PPL: variants seen among roughly 807,000 people sequenced by gnomAD.
PPL encodes the protein periplakin.
PPL carries 198 observed loss-of-function variants against 194.4 expected under a neutral mutation model. The ratio of observed to expected loss-of-function variants is 1.02; its 90% CI spans 0.91 to 1.15. The LOEUF is 1.15. Ranked by LOEUF, PPL falls within the 50% of genes most tolerant of loss-of-function variation. The probability of loss-of-function intolerance (pLI) is 0.00; values close to 1 mark genes in which losing one functional copy is unlikely to be tolerated. For synonymous variants in PPL, 1,220 were observed against 972.4 expected, an observed-to-expected ratio of 1.25 and a Z score of -4.74; for missense variants, 2,885 against 2,294.8, an observed-to-expected ratio of 1.26 and a Z score of -5.25.
chr16:4,918,951 G>A (rs1429621272), intron 1 of PPL, among the ~76,000 whole-genome samples: 2 of 152,140 alleles, frequency 1.3e-5, no homozygotes, highest in Non-Finnish European at 1.5e-5. Context: ...GCAGCCAGAC[G>A]TGGCACCCCT....
intron 21 of PPL, among the ~76,000 whole-genome samples, chr16:4,886,857 G>T (rs1426280570): frequency 6.6e-6 from 1 of 152,212 alleles, no homozygotes; most frequent in African/African-American, 2.4e-5. Flanking sequence ...GACCTCAGGT[G>T]ATCCGCCTGC....
intron 13 of PPL, 72 bp from the exon 14 acceptor site, chr16:4,893,442 G>A: frequency 6.3e-7 from 1 of 1,588,572 alleles, no homozygotes; most frequent in Non-Finnish European, 8.6e-7. Context: ...ATGGACCTAG[G>A]CAGCCAGCCC....
intron 9 of PPL, 22 bp downstream of exon 9, chr16:4,897,653 G>T (rs775727954): frequency 3.1e-6 from 5 of 1,593,036 alleles, no homozygotes; most frequent in South Asian, 1.1e-5. Flanking sequence ...GTGCTGGGGG[G>T]ACTCCCAGGA....
chr16:4,918,242 G>A lies in PPL; in HGVS notation c.63-7293C>T, dbSNP rs963947222. 5.3e-5 allele frequency among the ~76,000 whole-genome samples: 8 copies of A among 149,976 alleles called. No homozygotes were observed. In the South Asian group the frequency reaches 8.4e-4, roughly 16 times the overall value. ...CGGGAGGTGGAGGTTGCAGTGAGCC[G>A]AGATTGCACCACTACACTCCAGCCT... On this transcript the variant is annotated intron_variant, in intron 1 of 21. Transcript: ENST00000345988.
intron 1 of PPL, among the ~76,000 whole-genome samples, chr16:4,911,478 A>G (rs1220394730): frequency 6.6e-6 from 1 of 151,596 alleles, no homozygotes; most frequent in East Asian, 1.9e-4. Flanking sequence ...CACTTTGATC[A>G]TTCTCTCTAA....
At chr16:4,886,808 G>A (rs1205187539) in intron 21 of PPL, among the ~76,000 whole-genome samples, 2 of 152,126 alleles carry the variant, frequency 1.3e-5, no homozygotes, top group Non-Finnish European at 2.9e-5. Context: ...TAGTAGAGAC[G>A]GAGTTTTACC....
chr16:4,906,152 C>T (rs2088677503), intron 2 of PPL, among the ~76,000 whole-genome samples: 1 of 152,186 alleles, frequency 6.6e-6, no homozygotes. Context: ...CATCCCCCAA[C>T]CCTGGGGTAG....
Position 4,884,874 on chromosome 16 carries a change from G to C in PPL, c.3781C>G (p.Leu1261Val). The C allele has an allele frequency of 6.2e-7, 1 of 1,614,050 alleles. No individual in the cohort carries two copies. Among genetic ancestry groups the C allele is most frequent in the Non-Finnish European group, 8.5e-7 (1 of 1,180,016 alleles). Residue 1261 changes from leucine (L) to valine (V), a missense_variant, in exon 22 of 22, where the codon CTG becomes GTG. Leu to Val is a conservative substitution (Grantham distance 32). Coordinates refer to ENST00000345988, the MANE Select transcript of PPL (RefSeq NM_002705.5). The surrounding 1 kb of genome is among the most constrained non-coding windows in gnomAD (Gnocchi z 5.7). ...ATCTCTAAATCACACCTTTCGATCA[G>C]TCTGGTCTTGTCCACGATCTCCTCC... ...LREEIVDKTR[L>V]IERCDLEIYQ...
Position 4,883,697 on chromosome 16 carries a change from T to C in PPL, c.4958A>G (p.His1653Arg), listed in dbSNP as rs764061397. ...GATGACTACGATGGAGCGCCGCAGGTGGTTCTCCCGCTGCTCCCGCTTGAC... is the reference window on the plus strand; with the variant it reads ...GATGACTACGATGGAGCGCCGCAGGCGGTTCTCCCGCTGCTCCCGCTTGAC... ...VAVKREQRENHLRRSIVVIHP... is the reference protein window; with the variant it reads ...VAVKREQRENRLRRSIVVIHP... The change falls in exon 22 of 22, where the codon CAC becomes CGC. Residue 1653 changes from histidine (H) to arginine (R), a missense_variant. By Grantham distance (29) the His-to-Arg change is conservative. Transcript: ENST00000345988. The surrounding 1 kb of genome is among the most constrained non-coding windows in gnomAD (Gnocchi z 4.8). The C allele has an allele frequency of 3.1e-6, 5 of 1,614,012 alleles. No homozygotes were observed. In the South Asian group the frequency reaches 5.5e-5, roughly 18 times the overall value.
chr16:4,883,971 T>C lies in PPL; in HGVS notation c.4684A>G (p.Arg1562Gly). The part of the protein sequence containing the change: ...SKSSKELDFL[R>G]EENHKLQLER... ...AGCTGTAATTTGTGGTTCTCTTCCC[T>C]CAGAAAGTCTAGTTCCTTGGATGAC... Residue 1562 changes from arginine to glycine, a missense_variant, in exon 22 of 22, where the codon AGG becomes GGG. By Grantham distance (125) the Arg-to-Gly change is moderately radical (BLOSUM62 -2). Transcript: ENST00000345988. This position sits in a 1 kb window ranked among gnomAD's most constrained non-coding sequence, Gnocchi z 4.8. 1 of 1,614,076 alleles carries C rather than the reference T, an allele frequency of 6.2e-7. No homozygotes were observed. Among genetic ancestry groups the C allele is most frequent in the Non-Finnish European group, 8.5e-7 (1 of 1,180,012 alleles).
In PPL at chr16:4,903,959, G is replaced by A; in HGVS notation, c.244C>T (p.Leu82Phe). Residue 82 changes from leucine to phenylalanine, a missense_variant, in exon 3 of 22, where the codon CTC (leucine) becomes TTC (phenylalanine). By Grantham distance (22) the Leu-to-Phe change is conservative. Coordinates refer to ENST00000345988, the MANE Select transcript of PPL (RefSeq NM_002705.5). ...LQKVLDSEKL[L>F]YVLEADAAIA... ...GCCGCATCCGCCTCTAGCACATAGA[G>A]CAGCTTCTCAGAGTCCAACACCTTC... is the stretch of plus-strand genomic sequence containing the variant. 1.2e-6 allele frequency: 2 copies of A among 1,614,078 alleles called. No homozygotes were observed. The highest frequency in any genetic ancestry group is 1.7e-6 in the Non-Finnish European group (2 of 1,180,052).
intron 16 of PPL, 34 bp from the exon 17 acceptor site, chr16:4,890,955 G>T (rs377046363): frequency 1.4e-6 from 2 of 1,478,344 alleles, no homozygotes; most frequent in East Asian, 5.0e-5. Context: ...GCGGTGCTAC[G>T]GCCAGAGCTC....
chr16:4,912,975 G>A (rs1335015447), intron 1 of PPL, among the ~76,000 whole-genome samples: 1 of 151,998 alleles, frequency 6.6e-6, no homozygotes, highest in African/African-American at 2.4e-5. Context: ...GTGGTGGCAT[G>A]CGCCTGTAGT....
chr16:4,897,180 C>A (rs1485056644), intron 9 of PPL, among the ~76,000 whole-genome samples: 1 of 151,016 alleles, frequency 6.6e-6, no homozygotes, highest in Non-Finnish European at 1.5e-5. Context: ...ACTGAAAATA[C>A]AAAAATTAGC....
intron 1 of PPL, among the ~76,000 whole-genome samples, chr16:4,931,929 C>T (rs557723496): frequency 5.3e-5 from 8 of 152,216 alleles, no homozygotes; most frequent in Non-Finnish European, 1.2e-4. Flanking sequence ...TCCAAGAGAA[C>T]TGGGCAAGGG....
In PPL at chr16:4,902,997, T is replaced by G. The variant is rs888354249; in HGVS notation, c.318-471A>C. On this transcript the variant is annotated intron_variant, in intron 3 of 21. Coordinates refer to ENST00000345988, the MANE Select transcript of PPL (RefSeq NM_002705.5). This position sits in a 1 kb window ranked among gnomAD's most constrained non-coding sequence, Gnocchi z 4.0. Reference sequence around the variant, plus strand: ...AGCCACCGTGCCTGGCCCCACCCACTTTCCCTCAACCTTCCTTCCCCCATC... The same window carrying G: ...AGCCACCGTGCCTGGCCCCACCCACGTTCCCTCAACCTTCCTTCCCCCATC... Among the ~76,000 whole-genome samples, 3 of 152,134 alleles carry G rather than the reference T, an allele frequency of 2.0e-5. No homozygotes were observed. Among genetic ancestry groups the G allele is most frequent in the Non-Finnish European group, 4.4e-5 (3 of 68,026 alleles).
intron 8 of PPL, among the ~76,000 whole-genome samples, chr16:4,898,063 G>C (rs1205081058): frequency 2.0e-5 from 3 of 152,222 alleles, no homozygotes; most frequent in Non-Finnish European, 4.4e-5. Context: ...CACTGTCATG[G>C]ACCGAACAGT....
Position 4,899,015 on chromosome 16 carries a change from C to T in PPL, c.874G>A (p.Glu292Lys), listed in dbSNP as rs1363441503. The T allele has an allele frequency of 6.2e-7, 1 of 1,613,394 alleles. No individual in the cohort carries two copies. Among genetic ancestry groups the T allele is most frequent in the South Asian group, 1.1e-5 (1 of 91,082 alleles). ...GTCTGGTCTCGGGGTGCATGAACCT[C>T]AATGGAGTTCCTCCCGGGGTGCTCG... ...AAEHPGRNSIEAHMEAVHADW... is the reference protein window; with the variant it reads ...AAEHPGRNSIKAHMEAVHADW... Residue 292 changes from glutamate (E) to lysine (K), a missense_variant and splice_region_variant, in exon 8 of 22, where the codon GAG becomes AAG. Coordinates refer to ENST00000345988, the MANE Select transcript of PPL (RefSeq NM_002705.5).
chr16:4,899,499 T>C (rs991331163), intron 6 of PPL, 115 bp from the exon 7 acceptor site: 1 of 1,422,616 alleles, frequency 7.0e-7, no homozygotes, highest in Admixed American at 2.5e-5. Flanking sequence ...AGCCCAGCTA[T>C]GGGTGGCCTG....
Sources: gnomAD v4.1 joint callset for allele counts (sites outside exome capture counted in the v4.1 genomes callset) on GRCh38, gnomAD v4.1.1 for gene constraint, Gnocchi (gnomAD v3.1) non-coding constraint, MANE v1.5 for transcripts, NCBI Gene and HGNC (gene_info 2026-07-23, HGNC 2026-07-21) for gene names.